The following DPEP1 variants were observed in gnomAD, a reference collection of about 807,000 sequenced individuals.
DPEP1 encodes dipeptidase 1.
In DPEP1, 50 loss-of-function variants were observed where a neutral mutation model predicts 42.3. That is an observed-to-expected ratio of 1.18 (90% CI 0.94 to 1.50). DPEP1 has a LOEUF of 1.50. Among genes scored for constraint, DPEP1 ranks in the 40% most tolerant of loss-of-function variants. The pLI, the probability that DPEP1 is intolerant of heterozygous loss-of-function variation, is 0.00. For synonymous variants in DPEP1, 297 were observed against 234.0 expected (o/e 1.27, Z -2.46); for missense variants, 663 against 553.0 (o/e 1.20, Z -1.99).
rs1351510708 is a variant in DPEP1 at position 89,637,915 on chromosome 16, G to T, written c.1009G>T (p.Glu337Ter). 6.2e-7 allele frequency: 1 copy of T among 1,611,922 alleles called. No individual in the cohort carries two copies. The highest frequency in any genetic ancestry group is 1.7e-5 in the Admixed American group (1 of 59,790). Residue 337 changes from glutamate to a stop codon, truncating the protein, a stop_gained, in exon 10 of 11, where the codon GAG (glutamate) becomes TAG (stop). Transcript: ENST00000690203. LOFTEE classifies it high-confidence loss of function. ...GCTCAGGAGGAACTGGACGGAGGCG[G>T]AGGTCAAGGGCGCACTGGCTGACAA... ...ELLRRNWTEA[E>*]VKGALADNLL...
At chr16:89,640,393 C>CCTGGGAGCTG (rs1159990170), downstream of DPEP1, among the ~76,000 whole-genome samples, 1 of 152,096 alleles carries the variant, frequency 6.6e-6, no homozygotes, top group Non-Finnish European at 1.5e-5. Context: ...AGGCAGGGTC[C>CCTGGGAGCTG]CTGGGAGCTG....
At chr16:89,638,511 C>T (rs2059713643), downstream of DPEP1, 20 of 1,237,210 alleles carry the variant, frequency 1.6e-5, no homozygotes, top group Non-Finnish European at 2.0e-5. Context: ...GGACGTGGGG[C>T]ACTCCTGTGA....
intron 6 of DPEP1, 81 bp downstream of exon 6, chr16:89,637,016 A>G (rs445537): frequency 0.44 from 690,101 of 1,570,504 alleles, 161,393 homozygotes; most frequent in Middle Eastern, 0.58. Context: ...GCATCTCCTC[A>G]CGTGGGACCT....
intron 1 of DPEP1, among the ~76,000 whole-genome samples, chr16:89,620,153 G>A (rs2059430854): frequency 6.6e-6 from 1 of 152,014 alleles, no homozygotes; most frequent in African/African-American, 2.4e-5. Context: ...ATCCTCGATT[G>A]TGGCTGGGGA....
intron 2 of DPEP1, among the ~76,000 whole-genome samples, chr16:89,632,259 G>A (rs1398008070): frequency 6.6e-6 from 1 of 152,054 alleles, no homozygotes; most frequent in Non-Finnish European, 1.5e-5. Flanking sequence ...CACCATGTTG[G>A]CCAGGCTGGT....
At chr16:89,637,746 A>G in intron 9 of DPEP1, 39 bp downstream of exon 9, 2 of 1,612,680 alleles carry the variant, frequency 1.2e-6, no homozygotes. Flanking sequence ...ATGAGCCGGG[A>G]GGTTCATGGC....
chr16:89,630,194 C>G, intron 1 of DPEP1, 111 bp from the exon 2 acceptor site: 2 of 413,928 alleles, frequency 4.8e-6, no homozygotes, highest in Non-Finnish European at 8.8e-6. Context: ...TTCCATCCTA[C>G]CCACCCTGGT....
chr16:89,638,498 G>A, downstream of DPEP1: 1 of 1,262,594 alleles, frequency 7.9e-7, no homozygotes, highest in South Asian at 2.4e-5. Context: ...ATGGCTCCTG[G>A]TTGGACGTGG....
chr16:89,640,584 C>T (rs2052868), downstream of DPEP1: 257,007 of 984,302 alleles, frequency 0.26, 34,040 homozygotes, highest in South Asian at 0.34. Context: ...TCTGTCTGTT[C>T]CCCTCCCAGC....
intron 1 of DPEP1, among the ~76,000 whole-genome samples, chr16:89,619,962 C>T (rs1371971799): frequency 7.0e-6 from 1 of 143,360 alleles, no homozygotes; most frequent in South Asian, 2.4e-4. Context: ...CTCCACCCTG[C>T]CTTGGGTGGG....
chr16:89,614,328 C>G (rs1225832367), intron 1 of DPEP1, among the ~76,000 whole-genome samples: 1 of 152,176 alleles, frequency 6.6e-6, no homozygotes, highest in Non-Finnish European at 1.5e-5. Flanking sequence ...AGCTCACGTA[C>G]CCCTTCCTCC....
At chr16:89,617,854 T>G (rs1171040461) in intron 1 of DPEP1, among the ~76,000 whole-genome samples, 1 of 145,198 alleles carries the variant, frequency 6.9e-6, no homozygotes, top group African/African-American at 2.5e-5. Context: ...TGAAACCCCA[T>G]CTCTACTAAA....
chr16:89,624,972 C>G lies in DPEP1; in HGVS notation c.-106-5333C>G, dbSNP rs150882606. On this transcript the variant is annotated intron_variant, in intron 1 of 10. Transcript: ENST00000690203. ...GGTGGCCCGCAGCCAGTCCACAGCA[C>G]TTTCCTTTCCATCTGGGACATGGTG... Among the ~76,000 whole-genome samples the G allele has an allele frequency of 2.2e-3, 329 of 152,292 alleles. 1 individual carries two copies. The highest frequency in any genetic ancestry group is 0.011 in the East Asian group (59 of 5,174).
chr16:89,633,977 A>C (rs2151496299), intron 2 of DPEP1, among the ~76,000 whole-genome samples: 1 of 152,238 alleles, frequency 6.6e-6, no homozygotes, highest in East Asian at 1.9e-4. Flanking sequence ...GTCAGGCCTC[A>C]GCCCCTTCCC....
At chr16:89,623,926 T>C (rs1293345959) in intron 1 of DPEP1, among the ~76,000 whole-genome samples, 17 of 151,998 alleles carry the variant, frequency 1.1e-4, no homozygotes, top group Admixed American at 1.1e-3. Flanking sequence ...GTCGTGGCGC[T>C]CCGAGGAAAG....
chr16:89,636,044 C>A lies in DPEP1; in HGVS notation c.237+4C>A. 6.2e-7 allele frequency: 1 copy of A among 1,604,744 alleles called. No individual in the cohort carries two copies. Among genetic ancestry groups the A allele is most frequent in the Non-Finnish European group, 8.5e-7 (1 of 1,175,948 alleles). ...GGCCGGCTTTGTGGGAGGCCAGGTA[C>A]CGCCTGCCCTGCCTTGTGCTTGCCC... On this transcript the variant is annotated splice_donor_region_variant and intron_variant, in intron 3 of 10. Transcript: ENST00000690203.
chr16:89,641,285 G>A (rs528357422), downstream of DPEP1, among the ~76,000 whole-genome samples: 5 of 152,106 alleles, frequency 3.3e-5, no homozygotes, highest in East Asian at 9.7e-4. Flanking sequence ...TTTCTAACGC[G>A]CCCCCGGGGA....
At chr16:89,618,133 TG>T (rs1436158832) in intron 1 of DPEP1, among the ~76,000 whole-genome samples, 2 of 152,252 alleles carry the variant, frequency 1.3e-5, no homozygotes, top group Non-Finnish European at 2.9e-5. Flanking sequence ...GTGTAATACT[TG>T]GCTTAAATGC....
intron 1 of DPEP1, among the ~76,000 whole-genome samples, chr16:89,626,710 T>A (rs1194567603): frequency 6.6e-6 from 1 of 150,828 alleles, no homozygotes; most frequent in Non-Finnish European, 1.5e-5. Flanking sequence ...TCTCCCCCGC[T>A]GCCATTTAAG....
Sources: gnomAD v4.1 joint callset for allele counts (sites outside exome capture counted in the v4.1 genomes callset) on GRCh38, gnomAD v4.1.1 for gene constraint, MANE v1.5 for transcripts, NCBI Gene and HGNC (gene_info 2026-07-23, HGNC 2026-07-21) for gene names.